The following CEL variants were observed in gnomAD, a reference collection of about 807,000 sequenced individuals.
CEL encodes bile salt-activated lipase.
Under a neutral mutation model 57.1 loss-of-function variants are expected in CEL, and 39 were observed. The ratio of observed to expected loss-of-function variants is 0.68; its 90% confidence interval spans 0.53 to 0.89. The LOEUF (loss-of-function observed/expected upper bound fraction) is 0.89, where lower values mean the gene tolerates loss of function less well. Ranked by LOEUF, CEL falls within the 40% of genes least tolerant of loss-of-function variation. The pLI, the probability that CEL is intolerant of heterozygous loss-of-function variation, is 0.00. For missense variants in CEL, 698 were observed against 915.0 expected, an observed-to-expected ratio of 0.76 and a Z score of 3.06; for synonymous variants, 314 against 396.6, an observed-to-expected ratio of 0.79 and a Z score of 2.48.
At chr9:133,070,207 T>C (rs1485821612) in intron 9 of CEL, among the ~76,000 whole-genome samples, 1 of 147,650 alleles carries the variant, frequency 6.8e-6, no homozygotes, top group Non-Finnish European at 1.5e-5. Context: ...TTCTTGATAC[T>C]GAATTCTAGA....
rs139832194 is a variant in CEL, at chr9:133,066,995, C to G, written c.777+50C>G. ...GCGGGGTGGGGGCTGTCCACATTTCCGTTCTTTATCCTGGACCCCATCCTT... is the reference window on the plus strand; with the variant it reads ...GCGGGGTGGGGGCTGTCCACATTTCGGTTCTTTATCCTGGACCCCATCCTT... On this transcript the variant is annotated intron_variant, in intron 6 of 10. Coordinates refer to ENST00000372080, the MANE Select transcript of CEL (RefSeq NM_001807.6). This position sits in a 1 kb window ranked among gnomAD's most constrained non-coding sequence, Gnocchi z 4.3. 4 of 1,604,450 alleles carry G rather than the reference C, an allele frequency of 2.5e-6. No individual in the cohort carries two copies. Among genetic ancestry groups the G allele is most frequent in the South Asian group, 1.1e-5 (1 of 90,832 alleles).
In CEL at chr9:133,066,879, C is replaced by G; in HGVS notation, c.711C>G (p.Ile237Met). ...PYNKGLIRRA[I>M]SQSGVALSPW... ...ACAAGGGCCTCATCCGGCGAGCCAT[C>G]AGCCAGAGCGGCGTGGCCCTGAGTC... Residue 237 changes from isoleucine (I) to methionine (M), a missense_variant, in exon 6 of 11, where the codon ATC (isoleucine) becomes ATG (methionine). Coordinates refer to ENST00000372080, the MANE Select transcript of CEL (RefSeq NM_001807.6). The surrounding 1 kb of genome is among the most constrained non-coding windows in gnomAD (Gnocchi z 4.3). The G allele has an allele frequency of 6.2e-7, 1 of 1,612,722 alleles. No homozygotes were observed. Among genetic ancestry groups the G allele is most frequent in the Non-Finnish European group, 8.5e-7 (1 of 1,179,888 alleles).
Position 133,066,673 on chromosome 9 carries a change from C to T in CEL, c.669+13C>T, listed in dbSNP as rs748585720. The stretch of plus-strand genomic sequence containing the variant: ...CGTCTCTCTGCAGGTCTCGGGATCC[C>T]TGTGGGGAGGGCCTGCCCCACAGGT... On this transcript the variant is annotated intron_variant, in intron 5 of 10. Coordinates refer to ENST00000372080, the MANE Select transcript of CEL (RefSeq NM_001807.6). The surrounding 1 kb of genome is among the most constrained non-coding windows in gnomAD (Gnocchi z 4.3). The T allele has an allele frequency of 2.5e-6, 4 of 1,612,108 alleles. No individual in the cohort carries two copies. The highest frequency in any genetic ancestry group is 3.4e-6 in the Non-Finnish European group (4 of 1,178,948).
rs1157096267 is a variant in CEL at position 133,066,517 on chromosome 9, G to C, written c.539-13G>C. ...ACTGGTCTCTAGCACCCCCTCCCCT[G>C]CCCTGCCCCCAGGTAACTATGGCCT... On this transcript the variant is annotated splice_polypyrimidine_tract_variant and intron_variant, in intron 4 of 10. Coordinates refer to ENST00000372080, the MANE Select transcript of CEL (RefSeq NM_001807.6). The surrounding 1 kb of genome is among the most constrained non-coding windows in gnomAD (Gnocchi z 4.3). 6 of 1,613,776 alleles carry C rather than the reference G, an allele frequency of 3.7e-6. No homozygotes were observed. Among genetic ancestry groups the C allele is most frequent in the Non-Finnish European group, 5.1e-6 (6 of 1,179,986 alleles).
chr9:133,067,652 C>T (rs1292233986), intron 7 of CEL, among the ~76,000 whole-genome samples: 6 of 152,110 alleles, frequency 3.9e-5, no homozygotes, highest in African/African-American at 1.4e-4. Context: ...GAATTACAGG[C>T]GTGAGCCACT....
chr9:133,070,337 C>G (rs1830239847), intron 9 of CEL, 124 bp from the exon 10 acceptor site: 1 of 769,248 alleles, frequency 1.3e-6, no homozygotes, highest in Admixed American at 2.3e-5. Flanking sequence ...GAAGCCCCAT[C>G]TCTTCATGTG....
At position 133,071,833 on chromosome 9, in the gene CEL, C is replaced by T. The variant is rs1336602888; in HGVS notation, c.*69C>T. 2.8e-6 allele frequency: 4 copies of T among 1,414,600 alleles called. No homozygotes were observed. The highest frequency in any genetic ancestry group is 2.3e-5 in the East Asian group (1 of 43,450). The allele number at this position is 1,414,600 out of a possible 1,614,324, so 87.6% of individuals were successfully genotyped here. A position where few individuals can be genotyped will look rare whatever the true frequency, so the allele number is the denominator to read the frequency against. ...CCAGGGGCTCCCCTCCCATCTTGAG[C>T]TCTTCCTGAATAAAGCCTCATACCC... On this transcript the variant is annotated 3_prime_UTR_variant, in exon 11 of 11. Transcript: ENST00000372080.
At position 133,063,982 on chromosome 9, in the gene CEL, T is replaced by C. The variant is rs540914246; in HGVS notation, c.67-422T>C. On this transcript the variant is annotated intron_variant, in intron 1 of 10. Coordinates refer to ENST00000372080, the MANE Select transcript of CEL (RefSeq NM_001807.6). ...CATCCCGGGTACACTGAGCATTGGG[T>C]ACACTCCTCCCGGGAGCTGGACAGG... Among the ~76,000 whole-genome samples the C allele has an allele frequency of 1.4e-3, 211 of 152,164 alleles. 2 individuals are homozygous for C. Among genetic ancestry groups the C allele is most frequent in the African/African-American group, 4.9e-3 (204 of 41,490 alleles).
rs1433213773 is a variant in CEL at position 133,067,152 on chromosome 9, C to G, written c.842C>G (p.Thr281Ser). The change falls in exon 7 of 11, where the codon ACT becomes AGT. Residue 281 changes from threonine (T) to serine (S), a missense_variant. Physicochemically the swap from Thr to Ser is moderately conservative, Grantham distance 58. Coordinates refer to ENST00000372080, the MANE Select transcript of CEL (RefSeq NM_001807.6). ...AARMAQCLKVTDPRALTLAYK... is the reference protein window; with the variant it reads ...AARMAQCLKVSDPRALTLAYK... ...AGGATGGCCCAGTGTCTGAAGGTTA[C>G]TGATCCCCGAGCCCTGACGCTGGCC... The G allele has an allele frequency of 1.2e-6, 2 of 1,614,082 alleles. No homozygotes were observed. Among genetic ancestry groups the G allele is most frequent in the Admixed American group, 3.3e-5 (2 of 60,016 alleles).
At position 133,071,807 on chromosome 9, in the gene CEL, C is replaced by T; in HGVS notation, c.*43C>T. ...TATCAAGAGGCCACAAGAGTGGGAC[C>T]CCAGGGGCTCCCCTCCCATCTTGAG... On this transcript the variant is annotated 3_prime_UTR_variant, in exon 11 of 11. Transcript: ENST00000372080. The T allele has an allele frequency of 1.3e-6, 2 of 1,549,152 alleles. No individual in the cohort carries two copies. The highest frequency in any genetic ancestry group is 2.2e-5 in the South Asian group (2 of 89,422).
Position 133,066,994 on chromosome 9 carries a change from C to T in CEL, c.777+49C>T, listed in dbSNP as rs561785461. On this transcript the variant is annotated intron_variant, in intron 6 of 10. Coordinates refer to ENST00000372080, the MANE Select transcript of CEL (RefSeq NM_001807.6). This position sits in a 1 kb window ranked among gnomAD's most constrained non-coding sequence, Gnocchi z 4.3. ...GGCGGGGTGGGGGCTGTCCACATTT[C>T]CGTTCTTTATCCTGGACCCCATCCT... The T allele has an allele frequency of 1.1e-4, 177 of 1,604,980 alleles. 3 individuals are homozygous for T. In the South Asian group the frequency reaches 1.9e-3, roughly 17 times the overall value.
rs1830270857 is a variant in CEL, at chr9:133,071,520, C to T, written c.2018C>T (p.Thr673Met). ...GDSGAPPVPP[T>M]GDAGPPPVPP... is the part of the protein sequence containing the mutation. ...TCCGGCGCCCCCCCCGTGCCGCCCA[C>T]GGGTGACGCCGGGCCCCCCCCCGTG... The change falls in exon 11 of 11, where the codon ACG becomes ATG. Residue 673 changes from threonine (T) to methionine (M), a missense_variant. Thr to Met is a moderately conservative substitution (Grantham distance 81). This residue lies in a region of CEL where 238 missense variants were observed against 213.7 expected (regional missense o/e 1.11). Coordinates refer to ENST00000372080, the MANE Select transcript of CEL (RefSeq NM_001807.6). The T allele has an allele frequency of 8.3e-6, 7 of 847,622 alleles. No individual in the cohort carries two copies. The highest frequency in any genetic ancestry group is 5.3e-5 in the South Asian group (3 of 57,124). 52.5% of individuals were successfully genotyped at this position (847,622 alleles called of 1,614,324 possible).
Position 133,066,632 on chromosome 9 carries a change from C to G in CEL, c.641C>G (p.Ser214Cys). ...AACAACATCACGCTCTTCGGGGAGT[C>G]TGCTGGAGGTGCCAGCGTCTCTCTG... Reference protein sequence around the residue: ...DPNNITLFGESAGGASVSLQT... With the variant: ...DPNNITLFGECAGGASVSLQT... The change falls in exon 5 of 11, where the codon TCT (serine) becomes TGT (cysteine). Residue 214 changes from serine to cysteine, a missense_variant. Physicochemically the swap from Ser to Cys is moderately radical, Grantham distance 112 (BLOSUM62 -1). Around this residue, in one of 6 missense-constraint regions of CEL, gnomAD observed 327 missense variants for 374.1 expected, o/e 0.87. Coordinates refer to ENST00000372080, the MANE Select transcript of CEL (RefSeq NM_001807.6). This position sits in a 1 kb window ranked among gnomAD's most constrained non-coding sequence, Gnocchi z 4.3. 1 of 1,613,764 alleles carries G rather than the reference C, an allele frequency of 6.2e-7. No individual in the cohort carries two copies. Among genetic ancestry groups the G allele is most frequent in the Non-Finnish European group, 8.5e-7 (1 of 1,179,974 alleles).
chr9:133,071,743 G>A lies in CEL; in HGVS notation c.2241G>A (p.Met747Ile), dbSNP rs553844102. ...PPTDDSKEAQ[M>I]PAVIRF is the part of the protein sequence containing the mutation. ...CAGATGACTCCAAGGAAGCTCAGAT[G>A]CCTGCAGTCATTAGGTTTTAGCGTC... is the stretch of plus-strand genomic sequence containing the variant. Residue 747 changes from methionine (M) to isoleucine (I), a missense_variant, in exon 11 of 11, where the codon ATG becomes ATA. Met to Ile is a conservative substitution (Grantham distance 10, BLOSUM62 1). Transcript: ENST00000372080. 1.9e-6 allele frequency: 3 copies of A among 1,610,884 alleles called. No individual in the cohort carries two copies. Among genetic ancestry groups the A allele is most frequent in the South Asian group, 2.2e-5 (2 of 90,890 alleles).
intron 1 of CEL, 115 bp from the exon 2 acceptor site, chr9:133,064,289 C>G: frequency 7.1e-7 from 1 of 1,418,022 alleles, no homozygotes; most frequent in South Asian, 1.2e-5. Flanking sequence ...GCAGAGCTGT[C>G]CTGCTTTGAA....
intron 1 of CEL, 74 bp from the exon 2 acceptor site, chr9:133,064,330 G>C: frequency 6.2e-7 from 1 of 1,600,242 alleles, no homozygotes; most frequent in South Asian, 1.1e-5. Flanking sequence ...CGCGGAGTCG[G>C]CTTGCCTTGC....
At chr9:133,063,352 G>A (rs1405607118) in intron 1 of CEL, among the ~76,000 whole-genome samples, 1 of 152,200 alleles carries the variant, frequency 6.6e-6, no homozygotes, top group Non-Finnish European at 1.5e-5. Context: ...GCCTCGCAGG[G>A]GATGCCCACG....
At position 133,066,719 on chromosome 9, in the gene CEL, A is replaced by AAGGGG; in HGVS notation, c.669+64_669+68dup. 6.2e-7 allele frequency: 1 copy of AAGGGG among 1,606,406 alleles called. No homozygotes were observed. Among genetic ancestry groups the AAGGGG allele is most frequent in the Admixed American group, 1.7e-5 (1 of 59,820 alleles). Reference sequence around the variant, plus strand: ...CAGGTTGAGAGGAAGCTCAAACGGGAAGGGGAGGGTGGGAGGAGGAGCGTG... The same window carrying AAGGGG: ...CAGGTTGAGAGGAAGCTCAAACGGGAAGGGGAGGGGAGGGTGGGAGGAGGAGCGTG... On this transcript the variant is annotated intron_variant, in intron 5 of 10. Coordinates refer to ENST00000372080, the MANE Select transcript of CEL (RefSeq NM_001807.6). This position sits in a 1 kb window ranked among gnomAD's most constrained non-coding sequence, Gnocchi z 4.3.
chr9:133,065,164 C>T lies in CEL; in HGVS notation c.465C>T (p.Asn155=), dbSNP rs766325557. Residue 155 remains asparagine, a synonymous_variant, in exon 4 of 11, where the codon AAC becomes AAT. Coordinates refer to ENST00000372080, the MANE Select transcript of CEL (RefSeq NM_001807.6). ...GCGAGGAGATCGCCACACGCGGAAA[C>T]GTCATCGTGGTCACCTTCAACTACC... ...YDGEEIATRG[N]VIVVTFNYRV... 7 of 1,613,632 alleles carry T rather than the reference C, an allele frequency of 4.3e-6. No homozygotes were observed. The highest frequency in any genetic ancestry group is 2.7e-5 in the African/African-American group (2 of 74,796).
Sources: allele counts gnomAD v4.1 joint callset (sites outside exome capture counted in the v4.1 genomes callset), GRCh38; gene constraint gnomAD v4.1.1; regional missense constraint gnomAD v4.1.1; non-coding constraint Gnocchi (gnomAD v3.1); transcripts MANE v1.5; gene names NCBI Gene and HGNC (gene_info 2026-07-23, HGNC 2026-07-21).